ZFYVE9: variants seen among roughly 807,000 people sequenced by gnomAD.
The protein encoded by ZFYVE9 is zinc finger FYVE-type containing 9.
Under a neutral mutation model 126.7 loss-of-function variants are expected in ZFYVE9, and 43 were observed. That is an observed-to-expected ratio of 0.34 (90% confidence interval 0.27 to 0.44). ZFYVE9 has a LOEUF of 0.44. ZFYVE9 is among the 20% of genes least tolerant of loss of function. The pLI is 1.00. For missense variants in ZFYVE9, 1,476 were observed against 1,697.0 expected, an observed-to-expected ratio of 0.87 and a Z score of 2.29; for synonymous variants, 521 against 597.4, an observed-to-expected ratio of 0.87 and a Z score of 1.87.
chr1:52,318,004 G>A (rs1160436126), intron 13 of ZFYVE9, among the ~76,000 whole-genome samples: 1 of 151,966 alleles, frequency 6.6e-6, no homozygotes, highest in Non-Finnish European at 1.5e-5. Context: ...CCATTTCTGT[G>A]CAAACACACC....
At chr1:52,323,622 T>C (rs375453254) in intron 13 of ZFYVE9, among the ~76,000 whole-genome samples, 13 of 151,958 alleles carry the variant, frequency 8.6e-5, no homozygotes, top group African/African-American at 2.4e-4. Context: ...AAAATAAAAG[T>C]AGGCCAGAGG....
At chr1:52,292,449 G>A (rs1470200988) in intron 10 of ZFYVE9, among the ~76,000 whole-genome samples, 1 of 149,140 alleles carries the variant, frequency 6.7e-6, no homozygotes, top group Non-Finnish European at 1.5e-5. Context: ...GGTGACAGCA[G>A]CTTCCTAATC....
intron 14 of ZFYVE9, among the ~76,000 whole-genome samples, chr1:52,333,133 G>A (rs1183588301): frequency 6.6e-6 from 1 of 152,044 alleles, no homozygotes; most frequent in African/African-American, 2.4e-5. Context: ...GAACAATTTT[G>A]AAAATATGCC....
intron 1 of ZFYVE9, among the ~76,000 whole-genome samples, chr1:52,175,518 G>A (rs12034021): frequency 0.05 from 7,507 of 149,054 alleles, 488 homozygotes; most frequent in African/African-American, 0.15. Context: ...TCTTTGTGGC[G>A]TTCTCTGTAT....
rs11468199 is a variant in ZFYVE9, at chr1:52,324,252, AACACACAC to A, written c.3439-8502_3439-8495del. ...CAACAGAACAAGACCCTGTCTCAAAAACACACACACACACACACACAAAAACAAAAACA... is the reference window on the plus strand; with the variant it reads ...CAACAGAACAAGACCCTGTCTCAAAAACACACACACACAAAAACAAAAACA... On this transcript the variant is annotated intron_variant, in intron 13 of 18. Coordinates refer to ENST00000287727, the MANE Select transcript of ZFYVE9 (RefSeq NM_004799.4). 8.5e-3 allele frequency among the ~76,000 whole-genome samples: 1,284 copies of A among 150,178 alleles called. 18 individuals are homozygous for A. The highest frequency in any genetic ancestry group is 0.03 in the African/African-American group (1,211 of 41,002).
intron 1 of ZFYVE9, chr1:52,160,501 G>A (rs570175249): frequency 6.3e-6 from 5 of 788,284 alleles, no homozygotes; most frequent in South Asian, 5.4e-5. Flanking sequence ...CACCTGAAGC[G>A]GCTACTCTAG....
intron 1 of ZFYVE9, among the ~76,000 whole-genome samples, chr1:52,210,099 G>T (rs984671912): frequency 1.3e-5 from 2 of 152,172 alleles, no homozygotes; most frequent in South Asian, 2.1e-4. Context: ...ATGTTCGATT[G>T]AATGTAGAGT....
At chr1:52,311,799 A>AT (rs562421659) in intron 13 of ZFYVE9, among the ~76,000 whole-genome samples, 4 of 147,576 alleles carry the variant, frequency 2.7e-5, no homozygotes, top group East Asian at 2.0e-4. Flanking sequence ...TTATTTATTT[A>AT]TTTTTTTTTT....
At chr1:52,274,297 T>C (rs1645723397) in intron 7 of ZFYVE9, among the ~76,000 whole-genome samples, 167 bp from the exon 8 acceptor site, 1 of 152,176 alleles carries the variant, frequency 6.6e-6, no homozygotes, top group Non-Finnish European at 1.5e-5. Context: ...TAAGCCTGAT[T>C]TGTTTTTTTG....
intron 4 of ZFYVE9, among the ~76,000 whole-genome samples, chr1:52,242,353 T>C (rs527850208): frequency 2.0e-5 from 3 of 152,288 alleles, no homozygotes; most frequent in Non-Finnish European, 2.9e-5. Flanking sequence ...TTTCTAATTA[T>C]GATTTCATTT....
intron 1 of ZFYVE9, among the ~76,000 whole-genome samples, chr1:52,211,793 A>G (rs574872343): frequency 2.0e-5 from 3 of 152,358 alleles, no homozygotes; most frequent in African/African-American, 4.8e-5. Flanking sequence ...ATTTTCAAAC[A>G]TATCATCATT....
chr1:52,266,939 CTT>C lies in ZFYVE9; in HGVS notation c.2455+110_2455+111del, dbSNP rs531106250. On this transcript the variant is annotated intron_variant, in intron 6 of 18. Transcript: ENST00000287727. ...CTTAAAAAACACTGCAGATAAGTCTCTTTGGGTGGTTATTAAAATGGAACAAC... is the reference window on the plus strand; with the variant it reads ...CTTAAAAAACACTGCAGATAAGTCTCTGGGTGGTTATTAAAATGGAACAAC... The C allele has an allele frequency of 1.3e-4, 136 of 1,038,498 alleles. No homozygotes were observed. The African/African-American group carries it at 1.9e-3, about 14-fold the overall frequency. 64.3% of individuals were successfully genotyped at this position (1,038,498 alleles called of 1,614,324 possible).
chr1:52,180,253 A>C lies in ZFYVE9; in HGVS notation c.-142-36116A>C, dbSNP rs113596242. 3.4e-3 allele frequency: 5,378 copies of C among 1,603,302 alleles called. 186 individuals are homozygous for C. In the African/African-American group the frequency reaches 0.065, roughly 19 times the overall value. ...CAGCACCTCAGTGGAGTTGCCAGGA[A>C]GTTTCCTGATGTCAAATTTATCAAA... On this transcript the variant is annotated intron_variant, in intron 1 of 18. Coordinates refer to ENST00000287727, the MANE Select transcript of ZFYVE9 (RefSeq NM_004799.4).
At chr1:52,240,356 A>T (rs955400530) in intron 4 of ZFYVE9, among the ~76,000 whole-genome samples, 5 of 152,176 alleles carry the variant, frequency 3.3e-5, no homozygotes, top group Non-Finnish European at 5.9e-5. Flanking sequence ...AACTTTACTA[A>T]GCCTTAGTTT....
At chr1:52,220,676 C>G (rs531774549) in intron 2 of ZFYVE9, among the ~76,000 whole-genome samples, 9 of 152,266 alleles carry the variant, frequency 5.9e-5, no homozygotes, top group Non-Finnish European at 8.8e-5. Flanking sequence ...CTGGATGAAG[C>G]TGTGACAATA....
At chr1:52,159,326 A>G (rs555074225) in intron 1 of ZFYVE9, among the ~76,000 whole-genome samples, 1 of 152,168 alleles carries the variant, frequency 6.6e-6, no homozygotes, top group African/African-American at 2.4e-5. Context: ...TTCTTAGTCA[A>G]TTTCTGGTAC....
At chr1:52,332,629 G>T in intron 13 of ZFYVE9, 139 bp from the exon 14 acceptor site, 1 of 1,003,024 alleles carries the variant, frequency 1.0e-6, no homozygotes, top group Non-Finnish European at 1.4e-6. Flanking sequence ...TTTTTACTTT[G>T]TTTCATTATT....
At chr1:52,172,144 TA>T (rs1644578395) in intron 1 of ZFYVE9, among the ~76,000 whole-genome samples, 1 of 152,240 alleles carries the variant, frequency 6.6e-6, no homozygotes, top group Non-Finnish European at 1.5e-5. Flanking sequence ...GTCTAACGTT[TA>T]AGTCTTTAGT....
At chr1:52,198,124 G>T (rs552494) in intron 1 of ZFYVE9, among the ~76,000 whole-genome samples, 121,985 of 128,028 alleles carry the variant, frequency 0.95, 58,189 homozygotes, top group South Asian at 0.99. Flanking sequence ...TTTTTTGTTT[G>T]TTTTTTTTTT....
Sources: allele counts gnomAD v4.1 joint callset (sites outside exome capture counted in the v4.1 genomes callset), GRCh38; gene constraint gnomAD v4.1.1; transcripts MANE v1.5; gene names NCBI Gene and HGNC (gene_info 2026-07-23, HGNC 2026-07-21).